The following ATP8A2 variants were observed in gnomAD, a reference collection of about 807,000 sequenced individuals.
The protein encoded by ATP8A2 is phospholipid-transporting ATPase IB.
Under a neutral mutation model 165.6 loss-of-function variants are expected in ATP8A2, and 100 were observed. That is an observed-to-expected ratio of 0.60 (90% confidence interval 0.51 to 0.71). The LOEUF (loss-of-function observed/expected upper bound fraction) is 0.71, where lower values mean the gene tolerates loss of function less well. Ranked by LOEUF, ATP8A2 falls within the 30% of genes least tolerant of loss-of-function variation. The pLI is 0.00. For synonymous variants in ATP8A2, 543 were observed against 548.8 expected (o/e 0.99, Z 0.15); for missense variants, 1,227 against 1,479.5 (o/e 0.83, Z 2.80).
intron 23 of ATP8A2, among the ~76,000 whole-genome samples, chr13:25,585,371 G>A (rs73483668): frequency 0.014 from 2,198 of 152,296 alleles, 46 homozygotes; most frequent in African/African-American, 0.047. Flanking sequence ...TGCAATAGAT[G>A]TGGAGTTTTC....
At position 25,397,717 on chromosome 13, in the gene ATP8A2, T is replaced by C. The variant is rs114498598; in HGVS notation, c.76+25429T>C. Among the ~76,000 whole-genome samples the C allele has an allele frequency of 4.9e-3, 753 of 152,348 alleles. 7 individuals carry two copies. Among genetic ancestry groups the C allele is most frequent in the African/African-American group, 0.017 (723 of 41,572 alleles). On this transcript the variant is annotated intron_variant, in intron 1 of 36. Coordinates refer to ENST00000381655, the MANE Select transcript of ATP8A2 (RefSeq NM_016529.6). Reference sequence around the variant, plus strand: ...ACAGCCTCATCAGGTCCTGAGAACATGTGCCCAAGGTGGCTGGGTTACAGC... The same window carrying C: ...ACAGCCTCATCAGGTCCTGAGAACACGTGCCCAAGGTGGCTGGGTTACAGC...
At chr13:25,996,254 T>C (rs1473090077) in intron 35 of ATP8A2, among the ~76,000 whole-genome samples, 1 of 152,210 alleles carries the variant, frequency 6.6e-6, no homozygotes, top group Non-Finnish European at 1.5e-5. Flanking sequence ...GGCATATTTA[T>C]ACCATTTATA....
intron 27 of ATP8A2, among the ~76,000 whole-genome samples, chr13:25,820,046 T>C (rs558148841): frequency 6.6e-6 from 1 of 152,302 alleles, no homozygotes; most frequent in East Asian, 1.9e-4. Flanking sequence ...GAAGAACAGG[T>C]CATCCCTTTT....
chr13:25,442,288 TAACTC>T (rs1380502397), intron 1 of ATP8A2, among the ~76,000 whole-genome samples: 30 of 152,340 alleles, frequency 2.0e-4, no homozygotes, highest in Non-Finnish European at 1.3e-4. Context: ...GATCAGAAGA[TAACTC>T]TACTTTTAAT....
chr13:25,540,275 G>A, intron 7 of ATP8A2, 44 bp from the exon 8 acceptor site: 1 of 1,417,480 alleles, frequency 7.1e-7, no homozygotes, highest in Admixed American at 1.7e-5. Flanking sequence ...TGAATTTGTG[G>A]AAAGGACCTT....
At chr13:25,517,951 A>G (rs544747192) in intron 2 of ATP8A2, among the ~76,000 whole-genome samples, 2 of 152,290 alleles carry the variant, frequency 1.3e-5, no homozygotes, top group Non-Finnish European at 2.9e-5. Flanking sequence ...TCCAGAATAC[A>G]ATTTGGGAGG....
intron 13 of ATP8A2, among the ~76,000 whole-genome samples, chr13:25,558,347 C>T (rs977012949): frequency 9.3e-5 from 14 of 150,512 alleles, no homozygotes; most frequent in African/African-American, 2.0e-4. Flanking sequence ...CCCTAAGGTA[C>T]GAGTATTATA....
At chr13:25,789,627 A>G (rs2045116686) in intron 27 of ATP8A2, among the ~76,000 whole-genome samples, 1 of 152,252 alleles carries the variant, frequency 6.6e-6, no homozygotes, top group Non-Finnish European at 1.5e-5. Flanking sequence ...ATGGATAGGA[A>G]GAATCAGTAA....
chr13:25,683,592 C>A (rs538725803), intron 24 of ATP8A2, among the ~76,000 whole-genome samples: 1 of 152,054 alleles, frequency 6.6e-6, no homozygotes, highest in Non-Finnish European at 1.5e-5. Context: ...GAGGTAGGAG[C>A]CGTGCGGAAT....
chr13:25,891,033 A>G (rs966716876), intron 33 of ATP8A2, among the ~76,000 whole-genome samples: 2 of 152,184 alleles, frequency 1.3e-5, no homozygotes, highest in Non-Finnish European at 2.9e-5. Context: ...GGGTGAGGAA[A>G]TGAACCTCAC....
chr13:25,632,928 A>G (rs1181042241), intron 24 of ATP8A2, among the ~76,000 whole-genome samples: 1 of 152,220 alleles, frequency 6.6e-6, no homozygotes, highest in East Asian at 1.9e-4. Flanking sequence ...TCTCAGAGTC[A>G]CAGTCTGTTT....
In ATP8A2 at chr13:25,524,725, C is replaced by T. The variant is rs145540873; in HGVS notation, c.222-5274C>T. On this transcript the variant is annotated intron_variant, in intron 2 of 36. Transcript: ENST00000381655. ...CTGTGTGTGTCTTTATAGGTGATAT[C>T]GGTTTCTTGTAGGCAGCATATAGCT... Among the ~76,000 whole-genome samples the T allele has an allele frequency of 1.6e-4, 25 of 151,964 alleles. No individual in the cohort carries two copies. The East Asian group carries it at 2.3e-3, about 14-fold the overall frequency.
chr13:25,989,074 G>A (rs1008662045), intron 35 of ATP8A2, among the ~76,000 whole-genome samples: 23 of 152,230 alleles, frequency 1.5e-4, no homozygotes, highest in African/African-American at 5.5e-4. Context: ...TCTTTAATTA[G>A]TGTTTAGGAG....
intron 27 of ATP8A2, among the ~76,000 whole-genome samples, chr13:25,784,652 A>G (rs1723022066): frequency 6.6e-6 from 1 of 152,186 alleles, no homozygotes; most frequent in African/African-American, 2.4e-5. Context: ...TTTCCTAAGT[A>G]GCATATTATT....
intron 27 of ATP8A2, among the ~76,000 whole-genome samples, chr13:25,814,461 C>G (rs972127215): frequency 6.6e-6 from 1 of 151,954 alleles, no homozygotes; most frequent in African/African-American, 2.4e-5. Context: ...TCAACATTTC[C>G]TGATTTCAGA....
chr13:25,386,961 C>T (rs2033074849), intron 1 of ATP8A2, among the ~76,000 whole-genome samples: 1 of 110,424 alleles, frequency 9.1e-6, no homozygotes, highest in Admixed American at 8.8e-5. Flanking sequence ...CGCGCCCTTG[C>T]ACTCCAGCCT....
chr13:25,494,376 C>A (rs1419233393), intron 2 of ATP8A2, among the ~76,000 whole-genome samples: 2 of 152,152 alleles, frequency 1.3e-5, no homozygotes, highest in Non-Finnish European at 2.9e-5. Flanking sequence ...ATCGCTTTGA[C>A]CTTTCTGCCA....
At chr13:25,647,914 C>T (rs1388855441) in intron 24 of ATP8A2, among the ~76,000 whole-genome samples, 1 of 152,004 alleles carries the variant, frequency 6.6e-6, no homozygotes, top group African/African-American at 2.4e-5. Context: ...GTCTCAAACT[C>T]CTGACCTCAG....
chr13:25,977,846 ATGGGAAGAAGT>A (rs1184944296), intron 35 of ATP8A2, among the ~76,000 whole-genome samples: 1 of 152,164 alleles, frequency 6.6e-6, no homozygotes, highest in African/African-American at 2.4e-5. Context: ...TGGAGAGAAA[ATGGGAAGAAGT>A]GTCCTCTTGA....
Sources: gnomAD v4.1 joint callset for allele counts (sites outside exome capture counted in the v4.1 genomes callset) on GRCh38, gnomAD v4.1.1 for gene constraint, MANE v1.5 for transcripts, NCBI Gene and HGNC (gene_info 2026-07-23, HGNC 2026-07-21) for gene names.